KIAA1328: variants seen among roughly 807,000 people sequenced by gnomAD.
KIAA1328 encodes the protein protein hinderin.
Under a neutral mutation model 68.1 loss-of-function variants are expected in KIAA1328, and 52 were observed. That is an observed-to-expected ratio of 0.76 (90% CI 0.61 to 0.96). KIAA1328 has a LOEUF of 0.96. KIAA1328 is among the 40% of genes least tolerant of loss of function. The probability of loss-of-function intolerance (pLI) is 0.00; values close to 1 mark genes in which losing one functional copy is unlikely to be tolerated. For synonymous variants in KIAA1328, 232 were observed against 239.4 expected (o/e 0.97, Z 0.28); for missense variants, 641 against 677.6 (o/e 0.95, Z 0.60).
At chr18:37,214,338 G>T (rs1244034000) in intron 9 of KIAA1328, among the ~76,000 whole-genome samples, 3 of 152,192 alleles carry the variant, frequency 2.0e-5, no homozygotes, top group Non-Finnish European at 4.4e-5. Context: ...AAGGTGTAAA[G>T]AAGGGATCCA....
intron 9 of KIAA1328, among the ~76,000 whole-genome samples, chr18:37,182,385 A>G (rs1599531495): frequency 6.6e-6 from 1 of 152,210 alleles, no homozygotes; most frequent in East Asian, 1.9e-4. Context: ...TTATAGGCCT[A>G]GGTTTGAATG....
chr18:36,912,459 T>C (rs1335074600), intron 5 of KIAA1328, among the ~76,000 whole-genome samples: 1 of 152,188 alleles, frequency 6.6e-6, no homozygotes, highest in Non-Finnish European at 1.5e-5. Flanking sequence ...ACATTGGGCT[T>C]ACCCAGATAA....
intron 6 of KIAA1328, among the ~76,000 whole-genome samples, chr18:36,991,150 T>A (rs2053161491): frequency 6.6e-6 from 1 of 152,218 alleles, no homozygotes; most frequent in Non-Finnish European, 1.5e-5. Flanking sequence ...ATAACCCTTA[T>A]GATTTTTACC....
chr18:36,963,155 A>G (rs1177117905), intron 6 of KIAA1328, among the ~76,000 whole-genome samples: 2 of 152,224 alleles, frequency 1.3e-5, no homozygotes, highest in African/African-American at 4.8e-5. Flanking sequence ...AAAGAGGCAG[A>G]GGAAGGTGGC....
At chr18:37,144,114 T>A (rs1338107276) in intron 7 of KIAA1328, among the ~76,000 whole-genome samples, 1 of 152,168 alleles carries the variant, frequency 6.6e-6, no homozygotes, top group East Asian at 1.9e-4. Flanking sequence ...AAGCTACTCA[T>A]ATTTTCTCTT....
chr18:36,932,624 A>G (rs2050352227), intron 5 of KIAA1328, among the ~76,000 whole-genome samples: 1 of 152,246 alleles, frequency 6.6e-6, no homozygotes, highest in Non-Finnish European at 1.5e-5. Flanking sequence ...TCCATAGCAT[A>G]TGCAGAGCTA....
chr18:36,918,208 T>TG (rs2049782690), intron 5 of KIAA1328, among the ~76,000 whole-genome samples: 2 of 152,098 alleles, frequency 1.3e-5, no homozygotes, highest in South Asian at 4.1e-4. Context: ...TTTTTCCCCT[T>TG]TTCCATCAGT....
chr18:37,224,934 G>A lies in KIAA1328; in HGVS notation c.*2707G>A. On this transcript the variant is annotated 3_prime_UTR_variant, in exon 10 of 10. Coordinates refer to ENST00000280020, the MANE Select transcript of KIAA1328 (RefSeq NM_020776.3). ...TAAGGCCCACAGTTCTTGATGCAGA[G>A]AACCAAAGTGAATCATAGAAAAGCT... is the stretch of plus-strand genomic sequence containing the variant. 1 of 985,470 alleles carries A rather than the reference G, an allele frequency of 1.0e-6. No homozygotes were observed. Among genetic ancestry groups the A allele is most frequent in the East Asian group, 1.1e-4 (1 of 8,812 alleles). The allele number at this position is 985,470 out of a possible 1,614,324, so 61.0% of individuals were successfully genotyped here.
chr18:36,981,162 G>A (rs2052669209), intron 6 of KIAA1328, among the ~76,000 whole-genome samples: 1 of 152,130 alleles, frequency 6.6e-6, no homozygotes, highest in African/African-American at 2.4e-5. Context: ...AATTTATAGG[G>A]CATTGGGTAG....
At chr18:37,031,947 G>A (rs573066071) in intron 6 of KIAA1328, among the ~76,000 whole-genome samples, 103 of 151,976 alleles carry the variant, frequency 6.8e-4, no homozygotes, top group Non-Finnish European at 1.1e-3. Flanking sequence ...CGGGTGGATC[G>A]CTTGACTCCA....
At chr18:37,048,589 A>G (rs1009341633) in intron 6 of KIAA1328, among the ~76,000 whole-genome samples, 16 of 63,224 alleles carry the variant, frequency 2.5e-4, no homozygotes, top group African/African-American at 4.4e-4. Context: ...AGAAGGCAAT[A>G]TAATAATGGT....
chr18:37,137,029 A>G (rs2058661675), intron 7 of KIAA1328, among the ~76,000 whole-genome samples: 2 of 152,192 alleles, frequency 1.3e-5, no homozygotes. Flanking sequence ...TATTTTAATT[A>G]ATGAAATTCC....
chr18:37,014,718 G>A (rs73417198), intron 6 of KIAA1328, among the ~76,000 whole-genome samples: 1 of 152,078 alleles, frequency 6.6e-6, no homozygotes, highest in African/African-American at 2.4e-5. Context: ...ATGAGAACTT[G>A]GGACAGTACC....
intron 9 of KIAA1328, among the ~76,000 whole-genome samples, chr18:37,207,563 T>C (rs571591929): frequency 6.6e-5 from 10 of 152,352 alleles, no homozygotes; most frequent in Admixed American, 5.2e-4. Context: ...CGCCCTCTTA[T>C]GTGTCTTGGG....
At chr18:37,204,341 A>G (rs1042797993) in intron 9 of KIAA1328, among the ~76,000 whole-genome samples, 2 of 152,212 alleles carry the variant, frequency 1.3e-5, no homozygotes, top group South Asian at 2.1e-4. Context: ...TTTACCAAAG[A>G]TTACTAAGTC....
intron 6 of KIAA1328, among the ~76,000 whole-genome samples, chr18:37,016,640 C>G (rs2054162558): frequency 1.3e-5 from 2 of 152,080 alleles, no homozygotes; most frequent in Non-Finnish European, 2.9e-5. Flanking sequence ...GATTCAATTT[C>G]AAAACTCAAT....
At chr18:37,000,289 C>G (rs2053541518) in intron 6 of KIAA1328, among the ~76,000 whole-genome samples, 1 of 152,012 alleles carries the variant, frequency 6.6e-6, no homozygotes, top group Non-Finnish European at 1.5e-5. Flanking sequence ...ATAAAAGGAT[C>G]AATGCAGCAA....
intron 9 of KIAA1328, among the ~76,000 whole-genome samples, chr18:37,197,359 G>A (rs1299067554): frequency 6.6e-6 from 1 of 151,840 alleles, no homozygotes; most frequent in Non-Finnish European, 1.5e-5. Flanking sequence ...CTACTTAGGA[G>A]CAACATGAAC....
chr18:36,863,482 A>G (rs1486043176), intron 4 of KIAA1328, among the ~76,000 whole-genome samples: 2 of 152,130 alleles, frequency 1.3e-5, no homozygotes, highest in East Asian at 1.9e-4. Flanking sequence ...CTTTTTCAAA[A>G]TTATTTTAGC....
Sources: allele counts gnomAD v4.1 joint callset (sites outside exome capture counted in the v4.1 genomes callset), GRCh38; gene constraint gnomAD v4.1.1; transcripts MANE v1.5; gene names NCBI Gene and HGNC (gene_info 2026-07-23, HGNC 2026-07-21).